Variants in PABPC4L observed in about 807,000 individuals in gnomAD.
PABPC4L encodes poly(A) binding protein cytoplasmic 4 like.
For synonymous variants in PABPC4L, 169 were observed against 164.1 expected (o/e 1.03, Z -0.23); for missense variants, 452 against 451.4 (o/e 1.00, Z -0.01).
In PABPC4L at chr4:134,200,776, G is replaced by A. The variant is rs1399170120; in HGVS notation, c.244C>T (p.Arg82Cys). Residue 82 changes from arginine to cysteine, a missense_variant, in exon 2 of 2, where the codon CGT becomes TGT. By Grantham distance (180) the Arg-to-Cys change is radical. Coordinates refer to ENST00000421491, the MANE Select transcript of PABPC4L (RefSeq NM_001114734.2). ...NFDIIKGKSI[R>C]LMWSQRDAYL... ...GCATCGCGCTGAGACCACATGAGAC[G>A]GATGGATTTGCCTTTTATGATGTCA... is the stretch of plus-strand genomic sequence containing the variant. The A allele has an allele frequency of 1.3e-6, 2 of 1,551,656 alleles. No individual in the cohort carries two copies. Among genetic ancestry groups the A allele is most frequent in the African/African-American group, 2.7e-5 (2 of 73,030 alleles).
At chr4:134,136,308 A>G in the PABPC4L span, among the ~76,000 whole-genome samples, 1 of 152,110 alleles carries the variant, frequency 6.6e-6, no homozygotes, top group Admixed American at 6.6e-5. Context: ...AGGCCCATAT[A>G]CTGGTTATAA....
the PABPC4L span, among the ~76,000 whole-genome samples, chr4:134,027,998 A>G: frequency 1.3e-5 from 2 of 152,148 alleles, no homozygotes; most frequent in Admixed American, 6.6e-5. Context: ...AGGCAGCATT[A>G]GATAGCTGGG....
At chr4:134,079,704 A>C in the PABPC4L span, among the ~76,000 whole-genome samples, 1 of 150,720 alleles carries the variant, frequency 6.6e-6, no homozygotes, top group Non-Finnish European at 1.5e-5. Flanking sequence ...TGTGAGAGAG[A>C]GAGAGAGAGA....
chr4:133,995,960 T>G, the PABPC4L span, among the ~76,000 whole-genome samples: 1 of 152,198 alleles, frequency 6.6e-6, no homozygotes, highest in African/African-American at 2.4e-5. Context: ...CATATCTCTT[T>G]ATAAGCATCA....
At chr4:134,038,086 A>G in the PABPC4L span, among the ~76,000 whole-genome samples, 1 of 151,918 alleles carries the variant, frequency 6.6e-6, no homozygotes, top group Non-Finnish European at 1.5e-5. Flanking sequence ...TAATTATGTG[A>G]TTTTTGTCAT....
chr4:134,013,278 C>A, the PABPC4L span, among the ~76,000 whole-genome samples: 2 of 151,936 alleles, frequency 1.3e-5, no homozygotes, highest in African/African-American at 4.8e-5. Flanking sequence ...TTCTGCACCC[C>A]GACCTCTTAA....
the PABPC4L span, among the ~76,000 whole-genome samples, chr4:134,021,816 A>AT: frequency 3.9e-5 from 6 of 151,974 alleles, no homozygotes; most frequent in African/African-American, 1.2e-4. Context: ...TGTTCTAGAC[A>AT]TTTTTTTCTG....
At chr4:134,173,898 G>A in the PABPC4L span, among the ~76,000 whole-genome samples, 3 of 151,792 alleles carry the variant, frequency 2.0e-5, no homozygotes, top group African/African-American at 7.3e-5. Context: ...TAACCTGATG[G>A]TACTGTAACT....
chr4:134,128,404 T>G, the PABPC4L span, among the ~76,000 whole-genome samples: 2 of 152,162 alleles, frequency 1.3e-5, no homozygotes, highest in South Asian at 4.1e-4. Flanking sequence ...TATTAAGAGC[T>G]GTGAGTCGAA....
the PABPC4L span, among the ~76,000 whole-genome samples, chr4:134,155,134 T>C: frequency 6.6e-6 from 1 of 152,102 alleles, no homozygotes; most frequent in African/African-American, 2.4e-5. Flanking sequence ...CCACTCTAGA[T>C]TACATTTCAA....
the PABPC4L span, among the ~76,000 whole-genome samples, chr4:133,971,203 C>A: frequency 6.6e-6 from 1 of 150,560 alleles, no homozygotes; most frequent in African/African-American, 2.5e-5. Flanking sequence ...AGCTCCGCCT[C>A]CTGGGTTCAC....
the PABPC4L span, among the ~76,000 whole-genome samples, chr4:134,173,159 C>CAAAA: frequency 9.7e-4 from 75 of 77,624 alleles, no homozygotes; most frequent in Non-Finnish European, 1.1e-3. Flanking sequence ...GGAGATTCCT[C>CAAAA]AAAAAAAAAA....
the PABPC4L span, among the ~76,000 whole-genome samples, chr4:134,099,415 T>A: frequency 6.6e-6 from 1 of 151,686 alleles, no homozygotes; most frequent in Admixed American, 6.6e-5. Context: ...TGCTTCATTT[T>A]CCTCATTTAC....
chr4:134,060,731 T>G, the PABPC4L span, among the ~76,000 whole-genome samples: 3 of 151,914 alleles, frequency 2.0e-5, no homozygotes, highest in Admixed American at 2.0e-4. Flanking sequence ...CAGGGAGTAT[T>G]GTTCAGATGT....
At chr4:134,014,819 G>A in the PABPC4L span, among the ~76,000 whole-genome samples, 1,180 of 151,952 alleles carry the variant, frequency 7.8e-3, 51 homozygotes, top group East Asian at 0.1. Context: ...AACTGTTGTG[G>A]GTATTGACAG....
chr4:133,993,241 T>C, the PABPC4L span, among the ~76,000 whole-genome samples: 1 of 152,132 alleles, frequency 6.6e-6, no homozygotes, highest in African/African-American at 2.4e-5. Flanking sequence ...CCCTTTTTTG[T>C]TTTCTGAGCA....
chr4:134,019,568 T>G, the PABPC4L span, among the ~76,000 whole-genome samples: 1 of 152,150 alleles, frequency 6.6e-6, no homozygotes. Flanking sequence ...CTATAAGTTA[T>G]AGCAGAAAAT....
the PABPC4L span, among the ~76,000 whole-genome samples, chr4:134,189,135 C>A: frequency 6.6e-6 from 1 of 152,014 alleles, no homozygotes; most frequent in South Asian, 2.1e-4. Flanking sequence ...TCTTGAATTT[C>A]TTTTTGATGA....
the PABPC4L span, among the ~76,000 whole-genome samples, chr4:134,039,128 C>T: frequency 6.6e-6 from 1 of 151,956 alleles, no homozygotes; most frequent in Non-Finnish European, 1.5e-5. Flanking sequence ...TGTAGTTGTG[C>T]GGTTTTGATT....
Sources: allele counts gnomAD v4.1 joint callset (sites outside exome capture counted in the v4.1 genomes callset), GRCh38; gene constraint gnomAD v4.1.1; transcripts MANE v1.5; gene names NCBI Gene and HGNC (gene_info 2026-07-23, HGNC 2026-07-21).